The following MYO5A variants were observed in gnomAD, a reference collection of about 807,000 sequenced individuals.
MYO5A encodes the protein unconventional myosin-Va.
A neutral mutation model predicts 249.7 loss-of-function variants in MYO5A; 98 were observed. That is an observed-to-expected ratio of 0.39 (90% CI 0.33 to 0.46). The LOEUF (loss-of-function observed/expected upper bound fraction) is 0.46, where lower values mean the gene tolerates loss of function less well. Among genes scored for constraint, MYO5A ranks in the 20% least tolerant of loss-of-function variants. The pLI is 0.98. For synonymous variants in MYO5A, 778 were observed against 810.6 expected, an observed-to-expected ratio of 0.96 and a Z score of 0.68; for missense variants, 1,696 against 2,308.8, an observed-to-expected ratio of 0.73 and a Z score of 5.44.
chr15:52,445,671 G>T (rs577655170), intron 1 of MYO5A, among the ~76,000 whole-genome samples: 1 of 152,216 alleles, frequency 6.6e-6, no homozygotes, highest in African/African-American at 2.4e-5. Flanking sequence ...GATCCAGACA[G>T]TGAAGGCCAG....
intron 40 of MYO5A, among the ~76,000 whole-genome samples, chr15:52,316,729 A>G (rs1470092993): frequency 1.3e-5 from 2 of 152,268 alleles, no homozygotes; most frequent in East Asian, 1.9e-4. Context: ...TATAAGCTGC[A>G]TAGACTGTAT....
chr15:52,459,896 G>A lies in MYO5A; in HGVS notation c.28-26611C>T, dbSNP rs181301228. Among the ~76,000 whole-genome samples the A allele has an allele frequency of 2.0e-3, 306 of 151,704 alleles. 2 individuals carry two copies. Among genetic ancestry groups the A allele is most frequent in the African/African-American group, 7.2e-3 (298 of 41,260 alleles). ...GGGTTCCCCACTTCCCAGACGGGGC[G>A]GTTGCCGGGCGGAGGGGCTCCTCAC... On this transcript the variant is annotated intron_variant, in intron 1 of 41. Coordinates refer to ENST00000399233, the MANE Select transcript of MYO5A (RefSeq NM_001382347.1).
intron 3 of MYO5A, among the ~76,000 whole-genome samples, chr15:52,427,472 G>C (rs185219161): frequency 5.9e-5 from 9 of 152,170 alleles, no homozygotes; most frequent in Non-Finnish European, 1.2e-4. Context: ...GACTTGATAG[G>C]GTGGCTAGAC....
chr15:52,517,479 G>A (rs1350622996), intron 1 of MYO5A, among the ~76,000 whole-genome samples: 1 of 152,192 alleles, frequency 6.6e-6, no homozygotes, highest in Non-Finnish European at 1.5e-5. Context: ...GAGGTCAGGA[G>A]TTCAAGACCA....
At chr15:52,328,757 T>C (rs1354811627) in intron 35 of MYO5A, among the ~76,000 whole-genome samples, 2 of 152,206 alleles carry the variant, frequency 1.3e-5, no homozygotes, top group Non-Finnish European at 1.5e-5. Flanking sequence ...CACCATAGCA[T>C]AGGATCTGGC....
intron 1 of MYO5A, among the ~76,000 whole-genome samples, chr15:52,462,368 T>G (rs942783642): frequency 5.9e-5 from 9 of 151,354 alleles, no homozygotes; most frequent in African/African-American, 2.2e-4. Context: ...AAGGCTGCAG[T>G]GTTCATCTGA....
intron 1 of MYO5A, among the ~76,000 whole-genome samples, chr15:52,448,186 A>C (rs1466329172): frequency 6.6e-6 from 1 of 152,252 alleles, no homozygotes. Context: ...GAGCTGCCCA[A>C]GGCCTTGTGG....
chr15:52,319,986 C>T (rs553698292), intron 38 of MYO5A, among the ~76,000 whole-genome samples: 1 of 152,270 alleles, frequency 6.6e-6, no homozygotes, highest in South Asian at 2.1e-4. Context: ...GATAAGCATT[C>T]TCCATGTTAT....
intron 34 of MYO5A, among the ~76,000 whole-genome samples, chr15:52,333,698 T>C (rs1229953568): frequency 6.6e-6 from 1 of 152,248 alleles, no homozygotes; most frequent in African/African-American, 2.4e-5. Context: ...AGCATTTTTT[T>C]TAAAAGTCTG....
intron 1 of MYO5A, 62 bp downstream of exon 1, chr15:52,528,718 T>C: frequency 6.8e-7 from 1 of 1,478,314 alleles, no homozygotes; most frequent in Non-Finnish European, 8.9e-7. Flanking sequence ...CTCCCCAGCC[T>C]GACAGCTGGC....
intron 6 of MYO5A, 129 bp from the exon 7 acceptor site, chr15:52,408,269 A>T: frequency 1.6e-6 from 1 of 639,954 alleles, no homozygotes. Flanking sequence ...TATATTTCCT[A>T]ATACTTATTT....
chr15:52,525,282 A>T (rs991966950), intron 1 of MYO5A, among the ~76,000 whole-genome samples: 4 of 152,250 alleles, frequency 2.6e-5, no homozygotes, highest in African/African-American at 7.2e-5. Flanking sequence ...ATTATATGGT[A>T]TAAGACACAT....
At chr15:52,434,879 C>T (rs970095330) in intron 1 of MYO5A, among the ~76,000 whole-genome samples, 9 of 152,188 alleles carry the variant, frequency 5.9e-5, no homozygotes, top group African/African-American at 2.2e-4. Flanking sequence ...CAGACTGAAC[C>T]CGGTCTCTGG....
intron 1 of MYO5A, among the ~76,000 whole-genome samples, chr15:52,436,028 C>T (rs1483977720): frequency 6.6e-6 from 1 of 152,256 alleles, no homozygotes; most frequent in Non-Finnish European, 1.5e-5. Context: ...AGCGATTCTC[C>T]TGCCTCAGCC....
chr15:52,356,414 T>C (rs559201218), intron 25 of MYO5A, among the ~76,000 whole-genome samples: 95 of 152,152 alleles, frequency 6.2e-4, no homozygotes, highest in Non-Finnish European at 1.1e-3. Flanking sequence ...CATCTATAGA[T>C]TTAAAGAATT....
chr15:52,471,495 C>G (rs2076468133), intron 1 of MYO5A, among the ~76,000 whole-genome samples: 1 of 151,716 alleles, frequency 6.6e-6, no homozygotes, highest in Non-Finnish European at 1.5e-5. Context: ...TAGTGTGCAC[C>G]TGTAGTCCCA....
Position 52,405,403 on chromosome 15 carries a change from G to A in MYO5A, c.947-10C>T, listed in dbSNP as rs778570094. On this transcript the variant is annotated splice_polypyrimidine_tract_variant and intron_variant, in intron 8 of 41. Coordinates refer to ENST00000399233, the MANE Select transcript of MYO5A (RefSeq NM_001382347.1). ...TGAGATTCACTAATTCCTGAAACAA[G>A]AGAGTGAATGAACAAGTGATTAATT... 2.9e-5 allele frequency: 45 copies of A among 1,553,008 alleles called. No homozygotes were observed. Among genetic ancestry groups the A allele is most frequent in the Middle Eastern group, 1.7e-4 (1 of 5,972 alleles).
At chr15:52,374,626 G>A (rs1032713576) in intron 20 of MYO5A, among the ~76,000 whole-genome samples, 6 of 152,238 alleles carry the variant, frequency 3.9e-5, no homozygotes, top group African/African-American at 7.2e-5. Context: ...AAAATGCTGT[G>A]AAAACAGAGG....
At chr15:52,447,520 T>C (rs1261928669) in intron 1 of MYO5A, among the ~76,000 whole-genome samples, 3 of 152,282 alleles carry the variant, frequency 2.0e-5, no homozygotes, top group African/African-American at 7.2e-5. Context: ...GGCATTGCTA[T>C]AAAGATACCT....
Sources: allele counts gnomAD v4.1 joint callset (sites outside exome capture counted in the v4.1 genomes callset), GRCh38; gene constraint gnomAD v4.1.1; transcripts MANE v1.5; gene names NCBI Gene and HGNC (gene_info 2026-07-23, HGNC 2026-07-21).